The following MEIOSIN variants were observed in gnomAD, a reference collection of about 807,000 sequenced individuals.
MEIOSIN encodes meiosis initiator.
Under a neutral mutation model 23.4 loss-of-function variants are expected in MEIOSIN, and 18 were observed. That is an observed-to-expected ratio of 0.77 (90% CI 0.53 to 1.14). The LOEUF (loss-of-function observed/expected upper bound fraction) is 1.14. Among genes scored for constraint, MEIOSIN ranks in the 50% most tolerant of loss-of-function variants. The pLI is 0.00. For synonymous variants in MEIOSIN, 187 were observed against 100.6 expected, an observed-to-expected ratio of 1.86 and a Z score of -5.14; for missense variants, 428 against 242.9, an observed-to-expected ratio of 1.76 and a Z score of -5.07.
rs1031410358 is a variant in MEIOSIN, at chr19:45,754,505, C to T, written c.583C>T (p.Arg195Cys). ...SESQTRTPKP[R>C]RSLALNKPEK... is the part of the protein sequence containing the mutation. ...AAGCCAGACTCGGACCCCGAAGCCTCGCCGCTCTCTGGCCCTGAACAAGCC... is the reference window on the plus strand; with the variant it reads ...AAGCCAGACTCGGACCCCGAAGCCTTGCCGCTCTCTGGCCCTGAACAAGCC... Residue 195 changes from arginine (R) to cysteine (C), a missense_variant, in exon 7 of 15, where the codon CGC becomes TGC. By Grantham distance (180) the Arg-to-Cys change is radical (BLOSUM62 -3). Coordinates refer to ENST00000457052, the MANE Select transcript of MEIOSIN (RefSeq NM_001310124.2). 11 of 702,890 alleles carry T rather than the reference C, an allele frequency of 1.6e-5. No individual in the cohort carries two copies. The highest frequency in any genetic ancestry group is 1.0e-4 in the African/African-American group (6 of 57,262). 43.5% of individuals were successfully genotyped at this position (702,890 alleles called of 1,614,324 possible).
chr19:45,742,344 G>A (rs1968520056), intron 3 of MEIOSIN, among the ~76,000 whole-genome samples: 1 of 152,100 alleles, frequency 6.6e-6, no homozygotes, highest in African/African-American at 2.4e-5. Flanking sequence ...GCCTGGCATG[G>A]TGGTGCATGC....
At chr19:45,762,940 C>A (rs1030584906) in intron 13 of MEIOSIN, among the ~76,000 whole-genome samples, 2 of 152,194 alleles carry the variant, frequency 1.3e-5, no homozygotes, top group East Asian at 3.9e-4. Flanking sequence ...TCCTGTCCCC[C>A]ACCCAAGCGA....
intron 4 of MEIOSIN, among the ~76,000 whole-genome samples, chr19:45,745,769 A>G (rs1363681921): frequency 2.0e-5 from 3 of 152,012 alleles, no homozygotes; most frequent in Non-Finnish European, 2.9e-5. Context: ...ACAGGGTTTC[A>G]CCATATTGGT....
At chr19:45,747,499 G>T (rs1968615887) in intron 4 of MEIOSIN, among the ~76,000 whole-genome samples, 1 of 152,174 alleles carries the variant, frequency 6.6e-6, no homozygotes, top group Non-Finnish European at 1.5e-5. Context: ...CCTTCAGGTG[G>T]AGTTCTGCCA....
chr19:45,736,602 C>T (rs947654226), intron 2 of MEIOSIN, among the ~76,000 whole-genome samples: 4 of 151,596 alleles, frequency 2.6e-5, no homozygotes, highest in African/African-American at 9.7e-5. Flanking sequence ...CTCCTGACCT[C>T]GCGATCCGCC....
In MEIOSIN at chr19:45,757,238, C is replaced by A; in HGVS notation, c.973C>A (p.Pro325Thr). 2.8e-6 allele frequency: 2 copies of A among 702,952 alleles called. No individual in the cohort carries two copies. Among genetic ancestry groups the A allele is most frequent in the Non-Finnish European group, 2.6e-6 (1 of 384,958 alleles). 43.5% of individuals were successfully genotyped at this position (702,952 alleles called of 1,614,324 possible). The change falls in exon 9 of 15, where the codon CCT (proline) becomes ACT (threonine). Residue 325 changes from proline to threonine, a missense_variant. Pro to Thr is a conservative substitution (Grantham distance 38, BLOSUM62 -1). Transcript: ENST00000457052. ...GGACAAAGGGTCCCTAGACGCTGAC[C>A]CTTGGCTCCCTGCCTGGACCCCAGA... Reference protein sequence around the residue: ...DVDKGSLDADPWLPAWTPENS... With the variant: ...DVDKGSLDADTWLPAWTPENS...
intron 5 of MEIOSIN, among the ~76,000 whole-genome samples, chr19:45,751,272 A>T (rs1600384070): frequency 7.3e-6 from 1 of 136,430 alleles, no homozygotes; most frequent in South Asian, 2.4e-4. Flanking sequence ...ACTGTGTCTC[A>T]AATAATAATA....
chr19:45,755,607 C>T (rs1968808749), intron 7 of MEIOSIN, among the ~76,000 whole-genome samples: 1 of 152,064 alleles, frequency 6.6e-6, no homozygotes, highest in South Asian at 2.1e-4. Flanking sequence ...CGCACCCATG[C>T]CCGGCTAATT....
chr19:45,760,905 C>T (rs1054497704), intron 11 of MEIOSIN, among the ~76,000 whole-genome samples: 1 of 114,936 alleles, frequency 8.7e-6, no homozygotes, highest in Non-Finnish European at 1.8e-5. Context: ...GCCTGAGGGA[C>T]AAGAGTAAGA....
chr19:45,749,597 G>A (rs1306845153), intron 4 of MEIOSIN, among the ~76,000 whole-genome samples: 1 of 145,114 alleles, frequency 6.9e-6, no homozygotes. Context: ...GCATGAACCC[G>A]GGAGGCGGAG....
chr19:45,739,797 C>T, intron 3 of MEIOSIN, 67 bp downstream of exon 3: 3 of 700,448 alleles, frequency 4.3e-6, no homozygotes, highest in Non-Finnish European at 7.8e-6. Flanking sequence ...TGTTCAACAC[C>T]TCTTACCCCT....
At chr19:45,763,068 G>C (rs116815996) in intron 13 of MEIOSIN, among the ~76,000 whole-genome samples, 2 of 151,978 alleles carry the variant, frequency 1.3e-5, no homozygotes, top group African/African-American at 4.8e-5. Context: ...GGATGGGGAG[G>C]CCCCCCCCAA....
At position 45,753,990 on chromosome 19, in the gene MEIOSIN, A is replaced by AT. The variant is rs1056513662; in HGVS notation, c.556+212dup. Reference sequence around the variant, plus strand: ...TCTATGGCAGAACCTGGGCATCAGTATTTTTTTTTTGAGAGAGACTCTCAC... The same window carrying AT: ...TCTATGGCAGAACCTGGGCATCAGTATTTTTTTTTTTGAGAGAGACTCTCAC... On this transcript the variant is annotated intron_variant, in intron 6 of 14. Transcript: ENST00000457052. 2.1e-4 allele frequency among the ~76,000 whole-genome samples: 32 copies of AT among 150,006 alleles called. No homozygotes were observed. The Middle Eastern group carries it at 0.01, about 48-fold the overall frequency.
chr19:45,738,566 C>A (rs1848662130), intron 2 of MEIOSIN, among the ~76,000 whole-genome samples: 1 of 152,204 alleles, frequency 6.6e-6, no homozygotes, highest in African/African-American at 2.4e-5. Context: ...TTGCAGTGAG[C>A]CAAGATCGCG....
At chr19:45,756,755 G>A (rs542381893) in intron 8 of MEIOSIN, among the ~76,000 whole-genome samples, 15 of 152,070 alleles carry the variant, frequency 9.9e-5, no homozygotes, top group Non-Finnish European at 1.8e-4. Context: ...GAGACCTTCA[G>A]TGGCCCCCAA....
chr19:45,734,176 C>T (rs999825243), intron 1 of MEIOSIN, among the ~76,000 whole-genome samples: 3 of 151,980 alleles, frequency 2.0e-5, no homozygotes, highest in Non-Finnish European at 4.4e-5. Flanking sequence ...TTTAGAAGCA[C>T]GTTTTAGGGC....
intron 1 of MEIOSIN, among the ~76,000 whole-genome samples, chr19:45,735,077 A>G (rs946645450): frequency 8.7e-5 from 13 of 149,818 alleles, no homozygotes; most frequent in African/African-American, 3.2e-4. Flanking sequence ...TATTTTTAGT[A>G]GAGATGGGGT....
chr19:45,735,602 G>C (rs78265703), intron 2 of MEIOSIN, among the ~76,000 whole-genome samples, 155 bp downstream of exon 2: 5,147 of 152,302 alleles, frequency 0.034, 306 homozygotes, highest in African/African-American at 0.12. Context: ...TCATGAGGAA[G>C]TTGTGTACAA....
At position 45,764,322 on chromosome 19, in the gene MEIOSIN, T is replaced by C. The variant is rs1043362645; in HGVS notation, c.*204T>C. ...GCACCAGAGTCACCCACAGCTGCCT[T>C]GATTCTCCCCCAGGCTTAGGAAGGA... On this transcript the variant is annotated 3_prime_UTR_variant, in exon 15 of 15. Coordinates refer to ENST00000457052, the MANE Select transcript of MEIOSIN (RefSeq NM_001310124.2). 9 of 393,880 alleles carry C rather than the reference T, an allele frequency of 2.3e-5. No individual in the cohort carries two copies. Among genetic ancestry groups the C allele is most frequent in the African/African-American group, 1.9e-4 (9 of 48,532 alleles). 24.4% of individuals were successfully genotyped at this position (393,880 alleles called of 1,614,324 possible). A position where few individuals can be genotyped will look rare whatever the true frequency, so the allele number is the denominator to read the frequency against.
Sources: allele counts gnomAD v4.1 joint callset (sites outside exome capture counted in the v4.1 genomes callset), GRCh38; gene constraint gnomAD v4.1.1; transcripts MANE v1.5; gene names NCBI Gene and HGNC (gene_info 2026-07-23, HGNC 2026-07-21).